The following SGCD variants were observed in gnomAD, a reference collection of about 807,000 sequenced individuals.
SGCD encodes the protein delta-sarcoglycan.
SGCD carries 18 observed loss-of-function variants against 36.6 expected under a neutral mutation model. The observed-to-expected ratio is 0.49, with a 90% CI of 0.34 to 0.73. The LOEUF (loss-of-function observed/expected upper bound fraction) is 0.73, where lower values mean the gene tolerates loss of function less well. Among genes scored for constraint, SGCD ranks in the 30% least tolerant of loss-of-function variants. The pLI, the probability that SGCD is intolerant of heterozygous loss-of-function variation, is 0.01. For missense variants in SGCD, 387 were observed against 346.7 expected, an observed-to-expected ratio of 1.12 and a Z score of -0.92; for synonymous variants, 133 against 130.6, an observed-to-expected ratio of 1.02 and a Z score of -0.12.
intron 3 of SGCD, among the ~76,000 whole-genome samples, chr5:156,171,914 C>T (rs184298050): frequency 6.6e-6 from 1 of 152,128 alleles, no homozygotes; most frequent in East Asian, 1.9e-4. Flanking sequence ...CAGTCAGTAA[C>T]CCTAGGGAGT....
At chr5:156,730,189 A>G (rs1259524025) in intron 7 of SGCD, among the ~76,000 whole-genome samples, 1 of 152,192 alleles carries the variant, frequency 6.6e-6, no homozygotes, top group South Asian at 2.1e-4. Context: ...TCACAGGTCT[A>G]CTAAGTAAAA....
At chr5:155,898,078 C>T (rs561780454) in intron 1 of SGCD, among the ~76,000 whole-genome samples, 147 of 152,340 alleles carry the variant, frequency 9.6e-4, no homozygotes, top group African/African-American at 3.4e-3. Flanking sequence ...AATTCAACTT[C>T]TTTTCCATTG....
intron 3 of SGCD, among the ~76,000 whole-genome samples, chr5:156,411,858 C>A (rs1772778568): frequency 6.6e-6 from 1 of 152,176 alleles, no homozygotes; most frequent in Non-Finnish European, 1.5e-5. Flanking sequence ...ATTATTTTGT[C>A]CTTCTTGCTT....
intron 3 of SGCD, among the ~76,000 whole-genome samples, chr5:156,179,620 C>CT (rs570830321): frequency 0.017 from 2,286 of 135,406 alleles, 22 homozygotes; most frequent in Non-Finnish European, 0.023. Flanking sequence ...AATTTTCCAA[C>CT]TTTTTTTTTT....
At chr5:156,589,107 G>A in intron 4 of SGCD, 124 bp from the exon 5 acceptor site, 1 of 621,800 alleles carries the variant, frequency 1.6e-6, no homozygotes. Flanking sequence ...TGGAGTTTTT[G>A]AGTAAAGACA....
At chr5:155,802,487 A>T in the SGCD span, among the ~76,000 whole-genome samples, 11 of 152,212 alleles carry the variant, frequency 7.2e-5, no homozygotes, top group Non-Finnish European at 1.6e-4. Flanking sequence ...TTCCTAAGAC[A>T]CTTATCTTTA....
At chr5:156,233,398 T>C (rs1291364648) in intron 3 of SGCD, among the ~76,000 whole-genome samples, 1 of 152,246 alleles carries the variant, frequency 6.6e-6, no homozygotes, top group Non-Finnish European at 1.5e-5. Flanking sequence ...TTCATATGGA[T>C]TGCCACTTAC....
chr5:156,692,094 C>A (rs1010968626), intron 7 of SGCD, among the ~76,000 whole-genome samples: 1 of 152,270 alleles, frequency 6.6e-6, no homozygotes, highest in East Asian at 1.9e-4. Flanking sequence ...CAGTAAAAAA[C>A]AAATTCCCAC....
intron 1 of SGCD, among the ~76,000 whole-genome samples, chr5:155,969,088 T>A (rs1447545765): frequency 1.3e-5 from 2 of 152,106 alleles, no homozygotes; most frequent in Admixed American, 1.3e-4. Context: ...GTTACATTAG[T>A]TTACTCTTAC....
chr5:156,442,527 G>A (rs1753542374), intron 3 of SGCD, among the ~76,000 whole-genome samples: 1 of 152,172 alleles, frequency 6.6e-6, no homozygotes, highest in Non-Finnish European at 1.5e-5. Context: ...ACGTACAAGT[G>A]TATATTTCAG....
intron 4 of SGCD, among the ~76,000 whole-genome samples, chr5:156,516,018 T>A (rs577118100): frequency 6.6e-6 from 1 of 152,316 alleles, no homozygotes; most frequent in African/African-American, 2.4e-5. Flanking sequence ...CGAACTCTAA[T>A]CCACCTGGAA....
chr5:155,929,388 C>T (rs1035473592), intron 1 of SGCD, among the ~76,000 whole-genome samples: 2 of 152,102 alleles, frequency 1.3e-5, no homozygotes, highest in Non-Finnish European at 2.9e-5. Flanking sequence ...TTAAAAGATT[C>T]TTTCTTTCTA....
At chr5:156,705,736 G>A (rs556476554) in intron 7 of SGCD, among the ~76,000 whole-genome samples, 2 of 152,212 alleles carry the variant, frequency 1.3e-5, no homozygotes, top group East Asian at 1.9e-4. Context: ...ATTCTGCCTA[G>A]ACATTGCATA....
At chr5:156,397,902 C>G (rs560561712) in intron 3 of SGCD, among the ~76,000 whole-genome samples, 1 of 152,210 alleles carries the variant, frequency 6.6e-6, no homozygotes, top group East Asian at 1.9e-4. Context: ...TCTCTCTTGC[C>G]TATTGAAAAA....
At chr5:156,728,467 C>T (rs890825430) in intron 7 of SGCD, among the ~76,000 whole-genome samples, 11 of 140,550 alleles carry the variant, frequency 7.8e-5, no homozygotes, top group African/African-American at 2.5e-4. Context: ...GCCGAGTTTG[C>T]GCCACTGCAC....
intron 3 of SGCD, among the ~76,000 whole-genome samples, chr5:156,178,828 A>G (rs533731692): frequency 5.9e-5 from 9 of 152,286 alleles, no homozygotes; most frequent in African/African-American, 2.2e-4. Flanking sequence ...AGCCTCAGAA[A>G]GTGCTGGGAT....
At chr5:156,287,810 G>T (rs1218833802) in intron 3 of SGCD, among the ~76,000 whole-genome samples, 1 of 152,044 alleles carries the variant, frequency 6.6e-6, no homozygotes, top group East Asian at 1.9e-4. Context: ...AAGCTGGGAG[G>T]ATTGCTTGAC....
chr5:156,493,245 T>G (rs1375058828), intron 3 of SGCD, among the ~76,000 whole-genome samples: 1 of 152,138 alleles, frequency 6.6e-6, no homozygotes, highest in Admixed American at 6.6e-5. Context: ...GACACTTAGT[T>G]TTAAGGGTGA....
chr5:156,561,701 T>C (rs566140685), intron 4 of SGCD, among the ~76,000 whole-genome samples: 43 of 152,304 alleles, frequency 2.8e-4, no homozygotes, highest in African/African-American at 8.9e-4. Context: ...CCAGTAAGAG[T>C]ATAATCTGCA....
Sources: gnomAD v4.1 joint callset for allele counts (sites outside exome capture counted in the v4.1 genomes callset) on GRCh38, gnomAD v4.1.1 for gene constraint, MANE v1.5 for transcripts, NCBI Gene and HGNC (gene_info 2026-07-23, HGNC 2026-07-21) for gene names.